UNC5C: variants seen among roughly 807,000 people sequenced by gnomAD.
UNC5C encodes the protein netrin receptor UNC5C.
A neutral mutation model predicts 99.8 loss-of-function variants in UNC5C; 47 were observed. That is an observed-to-expected ratio of 0.47 (90% CI 0.37 to 0.60). The LOEUF is 0.60. Among genes scored for constraint, UNC5C ranks in the 20% least tolerant of loss-of-function variants. The pLI is 0.00. For missense variants in UNC5C, 1,062 were observed against 1,165.9 expected, an observed-to-expected ratio of 0.91 and a Z score of 1.30; for synonymous variants, 487 against 452.2, an observed-to-expected ratio of 1.08 and a Z score of -0.98.
chr4:95,357,485 A>G (rs1039197020), intron 1 of UNC5C, among the ~76,000 whole-genome samples: 1 of 151,768 alleles, frequency 6.6e-6, no homozygotes, highest in African/African-American at 2.4e-5. Flanking sequence ...AGCTATTATT[A>G]AAAAACTAAA....
intron 2 of UNC5C, among the ~76,000 whole-genome samples, chr4:95,304,954 G>T (rs1172250710): frequency 2.6e-5 from 4 of 152,156 alleles, no homozygotes; most frequent in Admixed American, 1.3e-4. Flanking sequence ...GCTCATGGAT[G>T]GTTCTACTGA....
chr4:95,271,754 C>T (rs1039405188), intron 4 of UNC5C, among the ~76,000 whole-genome samples: 1 of 152,190 alleles, frequency 6.6e-6, no homozygotes, highest in South Asian at 2.1e-4. Flanking sequence ...AGGTGAATGT[C>T]AGGTCTCGAC....
intron 12 of UNC5C, among the ~76,000 whole-genome samples, chr4:95,202,154 T>C (rs1301539277): frequency 1.3e-5 from 2 of 152,238 alleles, no homozygotes; most frequent in African/African-American, 4.8e-5. Flanking sequence ...AACCTTGGCA[T>C]ACTTCTTTTA....
At chr4:95,517,675 T>C (rs2149489234) in intron 1 of UNC5C, among the ~76,000 whole-genome samples, 1 of 152,226 alleles carries the variant, frequency 6.6e-6, no homozygotes, top group Middle Eastern at 3.4e-3. Flanking sequence ...CCATGAAAAG[T>C]TGGAATGGAG....
intron 1 of UNC5C, among the ~76,000 whole-genome samples, chr4:95,479,522 A>T (rs914466358): frequency 1.3e-5 from 2 of 151,990 alleles, no homozygotes; most frequent in Admixed American, 6.6e-5. Flanking sequence ...TATTCCTCTC[A>T]GTTAACTAAA....
chr4:95,196,060 T>C (rs1737368283), intron 12 of UNC5C, among the ~76,000 whole-genome samples: 1 of 152,228 alleles, frequency 6.6e-6, no homozygotes, highest in Non-Finnish European at 1.5e-5. Context: ...AAACCCTTTA[T>C]TCCAAAAAGA....
At position 95,203,728 on chromosome 4, in the gene UNC5C, C is replaced by T. The variant is rs781087431; in HGVS notation, c.1903-764G>A. 3.3e-5 allele frequency among the ~76,000 whole-genome samples: 5 copies of T among 152,188 alleles called. No individual in the cohort carries two copies. In the South Asian group the frequency reaches 8.3e-4, roughly 25 times the overall value. ...ACCCACTTGCCTTGGCCTCCCAAAG[C>T]GCTGGGATTACAGGTGTGAGCCACC... On this transcript the variant is annotated intron_variant, in intron 11 of 15. Coordinates refer to ENST00000453304, the MANE Select transcript of UNC5C (RefSeq NM_003728.4).
chr4:95,500,906 T>A (rs544093762), intron 1 of UNC5C, among the ~76,000 whole-genome samples: 176 of 152,280 alleles, frequency 1.2e-3, no homozygotes, highest in African/African-American at 4.1e-3. Flanking sequence ...GGGCATATCA[T>A]GTGCTATTAC....
intron 4 of UNC5C, among the ~76,000 whole-genome samples, chr4:95,257,862 C>T (rs2149385169): frequency 6.6e-6 from 1 of 152,262 alleles, no homozygotes; most frequent in African/African-American, 2.4e-5. Context: ...GCAGGGCCAG[C>T]ATGGCTGCAA....
intron 7 of UNC5C, among the ~76,000 whole-genome samples, chr4:95,224,735 A>G (rs992852674): frequency 2.0e-5 from 3 of 152,236 alleles, no homozygotes; most frequent in Non-Finnish European, 4.4e-5. Flanking sequence ...GAAAATAAGC[A>G]AGTAAACAAA....
At chr4:95,283,516 C>T (rs1741132043) in intron 3 of UNC5C, among the ~76,000 whole-genome samples, 1 of 152,176 alleles carries the variant, frequency 6.6e-6, no homozygotes, top group South Asian at 2.1e-4. Flanking sequence ...CATGCTGCCT[C>T]GCTACTCTGC....
intron 1 of UNC5C, among the ~76,000 whole-genome samples, chr4:95,360,197 C>T (rs1363413812): frequency 2.6e-5 from 4 of 152,144 alleles, no homozygotes; most frequent in African/African-American, 9.7e-5. Flanking sequence ...ATACTGGTCT[C>T]TTCAGAGATT....
chr4:95,512,935 AAATT>A (rs1177510973), intron 1 of UNC5C, among the ~76,000 whole-genome samples: 3 of 152,210 alleles, frequency 2.0e-5, no homozygotes, highest in Non-Finnish European at 4.4e-5. Context: ...AATACTTGAT[AAATT>A]AATTAATTTA....
chr4:95,312,462 G>A (rs1482239796), intron 2 of UNC5C, among the ~76,000 whole-genome samples: 4 of 152,132 alleles, frequency 2.6e-5, no homozygotes, highest in Admixed American at 6.6e-5. Context: ...TAGCTTAGAC[G>A]AGTAAAGGTA....
chr4:95,197,615 A>T (rs1276486265), intron 12 of UNC5C, among the ~76,000 whole-genome samples: 2 of 152,130 alleles, frequency 1.3e-5, no homozygotes, highest in African/African-American at 4.8e-5. Flanking sequence ...GCGGGCTTTA[A>T]AACAGCCAGG....
chr4:95,350,314 C>G (rs375562255), intron 1 of UNC5C, among the ~76,000 whole-genome samples: 113 of 152,096 alleles, frequency 7.4e-4, no homozygotes, highest in African/African-American at 2.2e-3. Context: ...TGGTGAAACC[C>G]CATCTCTACT....
intron 1 of UNC5C, among the ~76,000 whole-genome samples, chr4:95,422,226 T>G (rs776688310): frequency 4.2e-4 from 64 of 152,214 alleles, no homozygotes; most frequent in Non-Finnish European, 6.2e-4. Flanking sequence ...AATATTAAGT[T>G]CATCTTCTTG....
chr4:95,375,495 A>G (rs1744868340), intron 1 of UNC5C, among the ~76,000 whole-genome samples: 1 of 152,182 alleles, frequency 6.6e-6, no homozygotes, highest in African/African-American at 2.4e-5. Flanking sequence ...GATTGTTATA[A>G]AGAAACATGT....
chr4:95,215,990 G>T, intron 10 of UNC5C, 134 bp downstream of exon 10: 1 of 619,666 alleles, frequency 1.6e-6, no homozygotes, highest in Non-Finnish European at 2.7e-6. Flanking sequence ...CCTTTTGTAG[G>T]TCAAGGGAAA....
Sources: gnomAD v4.1 joint callset for allele counts (sites outside exome capture counted in the v4.1 genomes callset) on GRCh38, gnomAD v4.1.1 for gene constraint, MANE v1.5 for transcripts, NCBI Gene and HGNC (gene_info 2026-07-23, HGNC 2026-07-21) for gene names.